The following TMEM108 variants were observed in gnomAD, a reference collection of about 807,000 sequenced individuals.
TMEM108 encodes transmembrane protein 108, also known as cancer/testis antigen 124.
A neutral mutation model predicts 35.1 loss-of-function variants in TMEM108; 12 were observed. The ratio of observed to expected loss-of-function variants is 0.34; its 90% CI spans 0.22 to 0.55. The LOEUF (loss-of-function observed/expected upper bound fraction) is 0.55. TMEM108 is among the 20% of genes least tolerant of loss of function. TMEM108 has a pLI of 0.89. For missense variants in TMEM108, 680 were observed against 753.3 expected, an observed-to-expected ratio of 0.90 and a Z score of 1.14; for synonymous variants, 287 against 308.6, an observed-to-expected ratio of 0.93 and a Z score of 0.73.
At chr3:133,223,712 T>A (rs902235999) in intron 2 of TMEM108, among the ~76,000 whole-genome samples, 1 of 152,278 alleles carries the variant, frequency 6.6e-6, no homozygotes, top group African/African-American at 2.4e-5. Context: ...GTTAGTTCAG[T>A]AAGGTCACAA....
chr3:133,039,096 T>G (rs1300014447), intron 1 of TMEM108, among the ~76,000 whole-genome samples: 1 of 138,822 alleles, frequency 7.2e-6, no homozygotes, highest in Admixed American at 7.7e-5. Context: ...CAGGGGCTAT[T>G]TTTTTTTTTA....
At chr3:133,238,159 A>G (rs1039074911) in intron 3 of TMEM108, among the ~76,000 whole-genome samples, 5 of 152,090 alleles carry the variant, frequency 3.3e-5, no homozygotes, top group African/African-American at 9.7e-5. Flanking sequence ...CAATAGACAA[A>G]CACAGTGTGT....
At chr3:133,054,362 A>G (rs531606054) in intron 2 of TMEM108, among the ~76,000 whole-genome samples, 2 of 152,274 alleles carry the variant, frequency 1.3e-5, no homozygotes, top group South Asian at 2.1e-4. Flanking sequence ...TCCCATACAG[A>G]TATCTTATTT....
At chr3:133,352,707 T>A (rs2072040785) in intron 3 of TMEM108, among the ~76,000 whole-genome samples, 1 of 152,114 alleles carries the variant, frequency 6.6e-6, no homozygotes, top group Non-Finnish European at 1.5e-5. Flanking sequence ...TAGGGCAAGG[T>A]ATATGGGAGG....
intron 2 of TMEM108, among the ~76,000 whole-genome samples, chr3:133,108,641 A>G (rs1264895448): frequency 6.6e-6 from 1 of 152,030 alleles, no homozygotes. Flanking sequence ...CCATTTATCA[A>G]TTTTGGCTTT....
At chr3:133,175,367 A>G (rs1034358508) in intron 2 of TMEM108, among the ~76,000 whole-genome samples, 1 of 152,224 alleles carries the variant, frequency 6.6e-6, no homozygotes, top group Non-Finnish European at 1.5e-5. Flanking sequence ...TCCAAGACAC[A>G]TAATTGTCAG....
chr3:133,335,992 A>C (rs572052890), intron 3 of TMEM108, among the ~76,000 whole-genome samples: 1 of 152,206 alleles, frequency 6.6e-6, no homozygotes, highest in East Asian at 1.9e-4. Context: ...GCCGACACCC[A>C]CCCATCAAGG....
At chr3:133,237,974 G>T (rs1248555859) in intron 3 of TMEM108, among the ~76,000 whole-genome samples, 1 of 152,124 alleles carries the variant, frequency 6.6e-6, no homozygotes, top group Non-Finnish European at 1.5e-5. Flanking sequence ...AAGGGGACAT[G>T]AGACCAAAAT....
At chr3:133,212,912 A>T (rs1945854462) in intron 2 of TMEM108, among the ~76,000 whole-genome samples, 1 of 151,702 alleles carries the variant, frequency 6.6e-6, no homozygotes, top group Non-Finnish European at 1.5e-5. Flanking sequence ...GAAGAGAAAG[A>T]AAATGAGAGA....
intron 2 of TMEM108, among the ~76,000 whole-genome samples, chr3:133,166,377 A>G (rs1401386117): frequency 6.6e-6 from 1 of 152,210 alleles, no homozygotes; most frequent in African/African-American, 2.4e-5. Context: ...TATTTTACTC[A>G]TAAATAAAGA....
At chr3:133,295,693 C>A (rs1450010194) in intron 3 of TMEM108, among the ~76,000 whole-genome samples, 2 of 152,108 alleles carry the variant, frequency 1.3e-5, no homozygotes, top group African/African-American at 4.8e-5. Flanking sequence ...TTGAGAGAGC[C>A]AGGAGGGAGA....
rs115745383 is a variant in TMEM108 at position 133,241,853 on chromosome 3, A to G, written c.40+12502A>G. 9.3e-3 allele frequency among the ~76,000 whole-genome samples: 1,420 copies of G among 152,124 alleles called. 23 individuals are homozygous for G. Among genetic ancestry groups the G allele is most frequent in the African/African-American group, 0.032 (1,343 of 41,494 alleles). On this transcript the variant is annotated intron_variant, in intron 3 of 5. Coordinates refer to ENST00000321871, the MANE Select transcript of TMEM108 (RefSeq NM_023943.4). ...GGTCTCAAACTCCTGACCTTCGGTAATCCACCTGCCACAGCCTCCCAAAGT... is the reference window on the plus strand; with the variant it reads ...GGTCTCAAACTCCTGACCTTCGGTAGTCCACCTGCCACAGCCTCCCAAAGT...
At chr3:133,133,307 A>C (rs759129570) in intron 2 of TMEM108, among the ~76,000 whole-genome samples, 14 of 152,226 alleles carry the variant, frequency 9.2e-5, no homozygotes, top group Non-Finnish European at 1.9e-4. Flanking sequence ...ATCAACATTG[A>C]GGATCCTCTA....
intron 3 of TMEM108, among the ~76,000 whole-genome samples, chr3:133,349,787 T>G (rs2071934834): frequency 1.3e-5 from 2 of 152,028 alleles, no homozygotes; most frequent in Non-Finnish European, 2.9e-5. Flanking sequence ...AGAAAACAAG[T>G]GCCGGTGAGG....
At chr3:133,135,479 G>C (rs927335610) in intron 2 of TMEM108, among the ~76,000 whole-genome samples, 1 of 152,168 alleles carries the variant, frequency 6.6e-6, no homozygotes, top group Non-Finnish European at 1.5e-5. Context: ...GCTTAGGCGC[G>C]GGTTGGTGCC....
intron 2 of TMEM108, among the ~76,000 whole-genome samples, chr3:133,077,157 A>G (rs985195937): frequency 6.6e-5 from 10 of 152,206 alleles, no homozygotes; most frequent in Non-Finnish European, 8.8e-5. Context: ...GAAGTAAGCA[A>G]GTGGGTACCT....
intron 2 of TMEM108, among the ~76,000 whole-genome samples, chr3:133,063,660 T>G (rs763844597): frequency 6.6e-5 from 10 of 152,182 alleles, no homozygotes; most frequent in African/African-American, 1.4e-4. Context: ...CCTTGTATTC[T>G]TAACAGGGAT....
chr3:133,267,085 A>T (rs1033171308), intron 3 of TMEM108, among the ~76,000 whole-genome samples: 7 of 151,364 alleles, frequency 4.6e-5, no homozygotes, highest in Non-Finnish European at 8.8e-5. Flanking sequence ...CACCTCAAAA[A>T]AAAAAAAAAA....
intron 3 of TMEM108, among the ~76,000 whole-genome samples, chr3:133,366,451 T>C (rs900121497): frequency 6.6e-6 from 1 of 152,206 alleles, no homozygotes; most frequent in African/African-American, 2.4e-5. Flanking sequence ...CTTTCCCTTC[T>C]TCCAGGAAGC....
Sources: gnomAD v4.1 joint callset for allele counts (sites outside exome capture counted in the v4.1 genomes callset) on GRCh38, gnomAD v4.1.1 for gene constraint, MANE v1.5 for transcripts, NCBI Gene and HGNC (gene_info 2026-07-23, HGNC 2026-07-21) for gene names.